MDN1: variants seen among roughly 807,000 people sequenced by gnomAD.
The protein encoded by MDN1 is midasin.
A neutral mutation model predicts 669.2 loss-of-function variants in MDN1; 266 were observed. The observed-to-expected ratio is 0.40, with a 90% CI of 0.36 to 0.44. The LOEUF (loss-of-function observed/expected upper bound fraction) is 0.44, where lower values mean the gene tolerates loss of function less well. MDN1 is among the 20% of genes least tolerant of loss of function. The pLI is 1.00. For synonymous variants in MDN1, 2,385 were observed against 2,457.1 expected (o/e 0.97, Z 0.87); for missense variants, 5,940 against 6,754.0 (o/e 0.88, Z 4.22).
At chr6:89,785,211 C>T (rs1584368069) in intron 8 of MDN1, 85 bp from the exon 9 acceptor site, 2 of 876,608 alleles carry the variant, frequency 2.3e-6, no homozygotes, top group East Asian at 4.8e-5. Context: ...TTGCTGTACA[C>T]TGTCTCACAT....
Position 89,678,796 on chromosome 6 carries a change from G to A in MDN1, c.12266-51C>T, listed in dbSNP as rs772936147. On this transcript the variant is annotated intron_variant, in intron 74 of 101. Transcript: ENST00000369393. ...GGGAGACAATAAGAAAATCCCAGGG[G>A]TCTGGTAATGTGTTTGTTACCCAAC... 9 of 1,566,154 alleles carry A rather than the reference G, an allele frequency of 5.7e-6. No homozygotes were observed. The Admixed American group carries it at 1.5e-4, about 26-fold the overall frequency.
At chr6:89,740,899 G>A (rs549969621) in intron 31 of MDN1, among the ~76,000 whole-genome samples, 13 of 152,160 alleles carry the variant, frequency 8.5e-5, no homozygotes, top group Non-Finnish European at 1.8e-4. Context: ...TTAGTGTAAT[G>A]CACACAAAGG....
intron 29 of MDN1, 139 bp downstream of exon 29, chr6:89,745,134 T>TAAAAAAAAAAAAAAAAAAAAA: frequency 3.5e-6 from 1 of 282,344 alleles, no homozygotes; most frequent in South Asian, 6.2e-5. Flanking sequence ...AGTCTCTTCT[T>TAAAAAAAAAAAAAAAAAAAAA]AAAAAAAAAA....
At chr6:89,726,625 G>C (rs551364514) in intron 37 of MDN1, among the ~76,000 whole-genome samples, 22 of 152,200 alleles carry the variant, frequency 1.4e-4, no homozygotes, top group Middle Eastern at 6.8e-3. Context: ...AGGATATAAA[G>C]TGAGTTAATA....
chr6:89,651,319 C>T (rs1445822762), intron 95 of MDN1, among the ~76,000 whole-genome samples: 114 of 67,386 alleles, frequency 1.7e-3, no homozygotes, highest in African/African-American at 6.6e-3. Flanking sequence ...AGCGAGATTC[C>T]GTCTCAAAAA....
chr6:89,712,330 C>A, intron 48 of MDN1, 74 bp from the exon 49 acceptor site: 1 of 1,346,258 alleles, frequency 7.4e-7, no homozygotes, highest in Non-Finnish European at 1.0e-6. Flanking sequence ...ACTGAGAAAA[C>A]CTCTTTCACA....
intron 2 of MDN1, among the ~76,000 whole-genome samples, chr6:89,801,945 G>A (rs1767693738): frequency 6.6e-6 from 1 of 151,532 alleles, no homozygotes; most frequent in Admixed American, 6.6e-5. Context: ...CTGGGCAACA[G>A]AGTGAGACTG....
intron 23 of MDN1, among the ~76,000 whole-genome samples, chr6:89,750,772 T>C (rs1401161613): frequency 6.6e-6 from 1 of 152,058 alleles, no homozygotes; most frequent in Non-Finnish European, 1.5e-5. Context: ...CCAGCTAAAT[T>C]TTGTATTTTT....
At position 89,643,914 on chromosome 6, in the gene MDN1, A is replaced by T. The variant is rs1037585856; in HGVS notation, c.*91T>A. 8.1e-6 allele frequency: 9 copies of T among 1,106,890 alleles called. No individual in the cohort carries two copies. The highest frequency in any genetic ancestry group is 3.2e-5 in the African/African-American group (2 of 62,544). The allele number at this position is 1,106,890 out of a possible 1,614,324, so 68.6% of individuals were successfully genotyped here. A position where few individuals can be genotyped will look rare whatever the true frequency, so the allele number is the denominator to read the frequency against. ...TGTAAAATAAAAATATTACAATAAA[A>T]TTTTTTGTAGTTGTCCAAAAGGGAG... On this transcript the variant is annotated 3_prime_UTR_variant, in exon 102 of 102. Transcript: ENST00000369393.
rs370592663 is a variant in MDN1 at position 89,699,009 on chromosome 6, C to T, written c.9024G>A (p.Leu3008=). The T allele has an allele frequency of 1.4e-5, 22 of 1,613,348 alleles. No homozygotes were observed. The highest frequency in any genetic ancestry group is 1.9e-5 in the Non-Finnish European group (22 of 1,179,768). The change falls in exon 59 of 102, where the codon TTG becomes TTA. Residue 3008 remains leucine (L), a synonymous_variant. Transcript: ENST00000369393. The part of the protein sequence containing the change: ...QKVSPEEITS[L]WSELFNSMFM... ...ACATGGAATTAAATAACTCGGACCA[C>T]AAAGATGTAATTTCTTCAGGAGACA...
intron 56 of MDN1, 134 bp downstream of exon 56, chr6:89,700,512 A>T (rs1466158276): frequency 1.2e-6 from 1 of 836,406 alleles, no homozygotes; most frequent in East Asian, 2.6e-5. Flanking sequence ...TATGCCTGAC[A>T]CTTATATAAA....
intron 61 of MDN1, among the ~76,000 whole-genome samples, chr6:89,694,992 G>A (rs1388249231): frequency 2.0e-5 from 3 of 152,162 alleles, no homozygotes; most frequent in African/African-American, 7.2e-5. Context: ...CCAGCACTTT[G>A]GGAGGCCAAG....
intron 83 of MDN1, among the ~76,000 whole-genome samples, chr6:89,670,610 G>A (rs1810683976): frequency 6.6e-6 from 1 of 152,124 alleles, no homozygotes; most frequent in South Asian, 2.1e-4. Flanking sequence ...ATTTACATTG[G>A]GGATGGGAAG....
Position 89,650,013 on chromosome 6 carries a change from C to T in MDN1, c.16206+11G>A. 6.2e-7 allele frequency: 1 copy of T among 1,613,578 alleles called. No homozygotes were observed. The highest frequency in any genetic ancestry group is 8.5e-7 in the Non-Finnish European group (1 of 1,179,768). ...TTCCTATCAAACTGCCACTGCATTT[C>T]TCTTCCTTACCTGCTTGGTATGATT... On this transcript the variant is annotated intron_variant, in intron 97 of 101. Transcript: ENST00000369393.
chr6:89,746,336 G>A (rs1176291003), intron 27 of MDN1, among the ~76,000 whole-genome samples: 8 of 152,142 alleles, frequency 5.3e-5, no homozygotes, highest in Non-Finnish European at 8.8e-5. Flanking sequence ...TGTAATCCCA[G>A]CACTTTGGGA....
intron 2 of MDN1, among the ~76,000 whole-genome samples, chr6:89,799,836 G>A (rs1399903729): frequency 6.6e-6 from 1 of 152,186 alleles, no homozygotes; most frequent in Non-Finnish European, 1.5e-5. Context: ...TTTCAATCTG[G>A]TTCCAGGACA....
At chr6:89,652,599 C>T (rs1461179399) in intron 94 of MDN1, among the ~76,000 whole-genome samples, 2 of 152,232 alleles carry the variant, frequency 1.3e-5, no homozygotes, top group African/African-American at 2.4e-5. Context: ...AAACTCTTAG[C>T]TCAAGAACTT....
chr6:89,785,993 G>A (rs951846342), intron 8 of MDN1, among the ~76,000 whole-genome samples: 1 of 151,970 alleles, frequency 6.6e-6, no homozygotes, highest in Non-Finnish European at 1.5e-5. Flanking sequence ...TAAGACAGGT[G>A]TGGTGGCTCA....
chr6:89,658,562 C>A, intron 89 of MDN1, 48 bp downstream of exon 89: 1 of 1,566,076 alleles, frequency 6.4e-7, no homozygotes. Context: ...GGTGACTTCT[C>A]CTCTTCCTCA....
Sources: allele counts gnomAD v4.1 joint callset (sites outside exome capture counted in the v4.1 genomes callset), GRCh38; gene constraint gnomAD v4.1.1; transcripts MANE v1.5; gene names NCBI Gene and HGNC (gene_info 2026-07-23, HGNC 2026-07-21).